KCNQ4: variants seen among roughly 807,000 people sequenced by gnomAD.
KCNQ4 encodes the protein potassium voltage-gated channel subfamily KQT member 4.
Under a neutral mutation model 72.6 loss-of-function variants are expected in KCNQ4, and 31 were observed. That is an observed-to-expected ratio of 0.43 (90% CI 0.32 to 0.58). The LOEUF is 0.58. KCNQ4 is among the 20% of genes least tolerant of loss of function. KCNQ4 has a pLI of 0.08. For synonymous variants in KCNQ4, 405 were observed against 403.7 expected, an observed-to-expected ratio of 1.00 and a Z score of -0.04; for missense variants, 869 against 962.6, an observed-to-expected ratio of 0.90 and a Z score of 1.29.
chr1:40,823,723 A>G (rs564790024), intron 8 of KCNQ4, among the ~76,000 whole-genome samples: 3 of 152,100 alleles, frequency 2.0e-5, no homozygotes, highest in Non-Finnish European at 4.4e-5. Context: ...CGCCCTCCTC[A>G]CCTCCATCTC....
intron 9 of KCNQ4, 145 bp from the exon 10 acceptor site, chr1:40,830,939 C>G: frequency 1.4e-6 from 1 of 710,218 alleles, no homozygotes; most frequent in South Asian, 1.7e-5. Flanking sequence ...CTTACCACAT[C>G]CTTGTTCCAT....
Position 40,811,686 on chromosome 1 carries a change from T to G in KCNQ4, c.315-5579T>G, listed in dbSNP as rs1013688302. ...ATGGAGAGGAAAGGTTGGATAAGCCTTGTGATCAGACCAGCTGGGGAGAGC... is the reference window on the plus strand; with the variant it reads ...ATGGAGAGGAAAGGTTGGATAAGCCGTGTGATCAGACCAGCTGGGGAGAGC... On this transcript the variant is annotated intron_variant, in intron 1 of 13. Coordinates refer to ENST00000347132, the MANE Select transcript of KCNQ4 (RefSeq NM_004700.4). Among the ~76,000 whole-genome samples, 4 of 152,188 alleles carry G rather than the reference T, an allele frequency of 2.6e-5. No individual in the cohort carries two copies. The East Asian group carries it at 7.7e-4, about 29-fold the overall frequency.
At chr1:40,824,683 G>A (rs1469515918) in intron 9 of KCNQ4, among the ~76,000 whole-genome samples, 2 of 152,176 alleles carry the variant, frequency 1.3e-5, no homozygotes, top group East Asian at 1.9e-4. Context: ...GGGTGTGAGG[G>A]CAGGGAACCC....
In KCNQ4 at chr1:40,804,262, G is replaced by A. The variant is rs930941490; in HGVS notation, c.315-13003G>A. On this transcript the variant is annotated intron_variant, in intron 1 of 13. Coordinates refer to ENST00000347132, the MANE Select transcript of KCNQ4 (RefSeq NM_004700.4). ...CCCAGGATGAGGGAATTTTTGAGGTGGGAGTGAGAGGCAGGTGCCTGAGTC... is the reference window on the plus strand; with the variant it reads ...CCCAGGATGAGGGAATTTTTGAGGTAGGAGTGAGAGGCAGGTGCCTGAGTC... 2.3e-4 allele frequency among the ~76,000 whole-genome samples: 35 copies of A among 152,204 alleles called. 1 individual carries two copies. The highest frequency in any genetic ancestry group is 8.4e-4 in the African/African-American group (35 of 41,460).
rs547506324 is a variant in KCNQ4, at chr1:40,813,988, C to T, written c.315-3277C>T. Reference sequence around the variant, plus strand: ...GGTCTCGATCTCCTGACCTTGTGATCTGCCCACCTCGGCCTCCCAAAGTAC... The same window carrying T: ...GGTCTCGATCTCCTGACCTTGTGATTTGCCCACCTCGGCCTCCCAAAGTAC... On this transcript the variant is annotated intron_variant, in intron 1 of 13. Coordinates refer to ENST00000347132, the MANE Select transcript of KCNQ4 (RefSeq NM_004700.4). Among the ~76,000 whole-genome samples the T allele has an allele frequency of 7.3e-5, 11 of 150,846 alleles. 1 individual carries two copies. Among genetic ancestry groups the T allele is most frequent in the African/African-American group, 2.7e-4 (11 of 41,024 alleles).
chr1:40,813,151 G>A (rs983980648), intron 1 of KCNQ4, among the ~76,000 whole-genome samples: 2 of 152,206 alleles, frequency 1.3e-5, no homozygotes, highest in Admixed American at 6.5e-5. Context: ...GTTTGGAGGC[G>A]GGGGTGGAGG....
intron 9 of KCNQ4, among the ~76,000 whole-genome samples, chr1:40,825,284 G>A (rs761070001): frequency 3.3e-5 from 5 of 152,280 alleles, no homozygotes; most frequent in South Asian, 2.1e-4. Context: ...GAGAAGAGGC[G>A]AGCCGCCCAG....
In KCNQ4 at chr1:40,838,535, G is replaced by A. The variant is rs1242078760; in HGVS notation, c.*12G>A. 1 of 1,613,338 alleles carries A rather than the reference G, an allele frequency of 6.2e-7. No homozygotes were observed. The highest frequency in any genetic ancestry group is 8.5e-7 in the Non-Finnish European group (1 of 1,179,286). ...CCAACATGGACTGAGGGACTTCTCA[G>A]AGGCAGGGCAGCACACGGCCAGCCC... On this transcript the variant is annotated 3_prime_UTR_variant, in exon 14 of 14. Transcript: ENST00000347132.
Position 40,784,145 on chromosome 1 carries a change from GC to G in KCNQ4, c.58del (p.Arg20AlafsTer4), listed in dbSNP as rs754748939. 27 of 1,018,316 alleles carry G rather than the reference GC, an allele frequency of 2.7e-5. No individual in the cohort carries two copies. Among genetic ancestry groups the G allele is most frequent in the South Asian group, 2.0e-4 (6 of 30,426 alleles). 63.1% of individuals were successfully genotyped at this position (1,018,316 alleles called of 1,614,324 possible). ...RLGLGPPPGD[A>X]PRAELVALTA... ...CGGCCTGGGTCCCCCGCCCGGGGAC[GC>G]CCCCCGCGCGGAGCTAGTGGCGCTC... On this transcript the variant is annotated frameshift_variant, in exon 1 of 14. Coordinates refer to ENST00000347132, the MANE Select transcript of KCNQ4 (RefSeq NM_004700.4). LOFTEE classifies it high-confidence loss of function. This position sits in a 1 kb window ranked among gnomAD's most constrained non-coding sequence, Gnocchi z 4.1.
At position 40,788,814 on chromosome 1, in the gene KCNQ4, G is replaced by T. The variant is rs1326653629; in HGVS notation, c.314+4407G>T. Among the ~76,000 whole-genome samples the T allele has an allele frequency of 5.9e-5, 9 of 152,204 alleles. No individual in the cohort carries two copies. The highest frequency in any genetic ancestry group is 3.9e-4 in the Admixed American group (6 of 15,288). On this transcript the variant is annotated intron_variant, in intron 1 of 13. Transcript: ENST00000347132. The surrounding 1 kb of genome is among the most constrained non-coding windows in gnomAD (Gnocchi z 4.5). ...TGCCAGCCTCACCCAGTGCAGCCAC[G>T]TTTTAGTTGTAGACCACGTCACTGC...
At chr1:40,818,080 A>AG in intron 2 of KCNQ4, 84 bp from the exon 3 acceptor site, 1 of 1,590,670 alleles carries the variant, frequency 6.3e-7, no homozygotes, top group African/African-American at 1.3e-5. Context: ...CCCCTAACCC[A>AG]GGGACTCTTG....
At chr1:40,801,120 G>T (rs1341521503) in intron 1 of KCNQ4, among the ~76,000 whole-genome samples, 1 of 151,754 alleles carries the variant, frequency 6.6e-6, no homozygotes, top group East Asian at 1.9e-4. Context: ...AAGGTAAGTG[G>T]ACTGGAGGTG....
At chr1:40,797,074 C>T (rs1415024088) in intron 1 of KCNQ4, among the ~76,000 whole-genome samples, 4 of 152,238 alleles carry the variant, frequency 2.6e-5, no homozygotes, top group East Asian at 1.9e-4. Context: ...CCAGTCTCCC[C>T]GGGCCAGGCC....
intron 1 of KCNQ4, among the ~76,000 whole-genome samples, chr1:40,808,780 T>C (rs889531783): frequency 3.3e-5 from 5 of 151,746 alleles, no homozygotes; most frequent in African/African-American, 9.8e-5. Flanking sequence ...CATCTTCAAC[T>C]TCTCCTTCTT....
At position 40,810,055 on chromosome 1, in the gene KCNQ4, G is replaced by A. The variant is rs1233204890; in HGVS notation, c.315-7210G>A. On this transcript the variant is annotated intron_variant, in intron 1 of 13. Transcript: ENST00000347132. Reference sequence around the variant, plus strand: ...AGCCTGGGCGACAGAGTGAGACTCCGTCTCAAAAAAAAAAAGAACTCTACA... The same window carrying A: ...AGCCTGGGCGACAGAGTGAGACTCCATCTCAAAAAAAAAAAGAACTCTACA... Among the ~76,000 whole-genome samples, 7 of 18,066 alleles carry A rather than the reference G, an allele frequency of 3.9e-4. 1 individual carries two copies. The highest frequency in any genetic ancestry group is 5.7e-3 in the South Asian group (2 of 350). The allele number at this position is 18,066 out of a possible 152,430, so 11.9% of individuals were successfully genotyped here. A position where few individuals can be genotyped will look rare whatever the true frequency, so the allele number is the denominator to read the frequency against.
At chr1:40,818,868 A>T in intron 4 of KCNQ4, 188 bp downstream of exon 4, 1 of 571,392 alleles carries the variant, frequency 1.8e-6, no homozygotes, top group Non-Finnish European at 3.1e-6. Context: ...TGAATTAGGT[A>T]GGGGCGGGCC....
chr1:40,830,358 C>A (rs979597368), intron 9 of KCNQ4, among the ~76,000 whole-genome samples: 6 of 152,200 alleles, frequency 3.9e-5, no homozygotes, highest in African/African-American at 1.4e-4. Flanking sequence ...GGCACCACTG[C>A]ATGGAAGTCT....
At chr1:40,799,501 C>T (rs779490968) in intron 1 of KCNQ4, among the ~76,000 whole-genome samples, 5 of 152,160 alleles carry the variant, frequency 3.3e-5, no homozygotes, top group African/African-American at 4.8e-5. Flanking sequence ...GGTCCCCCCA[C>T]GGTTGTTTAT....
intron 4 of KCNQ4, 88 bp from the exon 5 acceptor site, chr1:40,819,259 G>A: frequency 2.0e-6 from 3 of 1,496,248 alleles, no homozygotes; most frequent in Non-Finnish European, 2.8e-6. Flanking sequence ...GGAGATGGGG[G>A]ACCTTTATCC....
Sources: allele counts gnomAD v4.1 joint callset (sites outside exome capture counted in the v4.1 genomes callset), GRCh38; gene constraint gnomAD v4.1.1; non-coding constraint Gnocchi (gnomAD v3.1); transcripts MANE v1.5; gene names NCBI Gene and HGNC (gene_info 2026-07-23, HGNC 2026-07-21).